CRYBG1: variants seen among roughly 807,000 people sequenced by gnomAD.
CRYBG1 encodes crystallin beta-gamma domain containing 1.
A neutral mutation model predicts 189.2 loss-of-function variants in CRYBG1; 139 were observed. The ratio of observed to expected loss-of-function variants is 0.73; its 90% CI spans 0.64 to 0.85. The LOEUF (loss-of-function observed/expected upper bound fraction) is 0.85, where lower values mean the gene tolerates loss of function less well. CRYBG1 is among the 40% of genes least tolerant of loss of function. The pLI is 0.00. For synonymous variants in CRYBG1, 1,023 were observed against 1,017.1 expected (o/e 1.01, Z -0.11); for missense variants, 2,611 against 2,675.8 (o/e 0.98, Z 0.53).
intron 1 of CRYBG1, 103 bp downstream of exon 1, chr6:106,361,184 C>T: frequency 7.4e-7 from 1 of 1,349,104 alleles, no homozygotes; most frequent in Non-Finnish European, 9.8e-7. Flanking sequence ...GAGGGGAAAG[C>T]CCCGGGGTCT....
At chr6:106,456,136 A>T (rs1483917682) in intron 2 of CRYBG1, among the ~76,000 whole-genome samples, 1 of 152,164 alleles carries the variant, frequency 6.6e-6, no homozygotes, top group Non-Finnish European at 1.5e-5. Flanking sequence ...TCTAACCACT[A>T]TTGTTTTTGA....
Position 106,551,901 on chromosome 6 carries a change from G to A in CRYBG1, c.5362G>A (p.Asp1788Asn), listed in dbSNP as rs751247820. The change falls in exon 14 of 22, where the codon GAT becomes AAT. Residue 1788 changes from aspartate to asparagine, a missense_variant. Physicochemically the swap from Asp to Asn is conservative, Grantham distance 23. Around this residue, in one of 3 missense-constraint regions of CRYBG1, gnomAD observed 1,622 missense variants for 1,735.0 expected, o/e 0.93. Coordinates refer to ENST00000633556, the MANE Select transcript of CRYBG1 (RefSeq NM_001371242.2). ...CTTCACAGGAGAACAGTATATACTG[G>A]ATAAAGGATTTTATACCAGTTTTGA... ...PDFTGEQYIL[D>N]KGFYTSFEDW... 5.0e-6 allele frequency: 8 copies of A among 1,611,412 alleles called. No homozygotes were observed.
chr6:106,544,774 T>A lies in CRYBG1; in HGVS notation c.5167-14T>A. The A allele has an allele frequency of 6.2e-7, 1 of 1,601,698 alleles. No individual in the cohort carries two copies. ...ATGGCTAGCCTTTGAATTTTGAATT[T>A]TTTTTCTCAATAGGATTTTTCAAAT... On this transcript the variant is annotated splice_polypyrimidine_tract_variant and intron_variant, in intron 12 of 21. Coordinates refer to ENST00000633556, the MANE Select transcript of CRYBG1 (RefSeq NM_001371242.2).
chr6:106,422,899 C>G (rs956801161), intron 1 of CRYBG1, among the ~76,000 whole-genome samples: 1 of 152,100 alleles, frequency 6.6e-6, no homozygotes, highest in Non-Finnish European at 1.5e-5. Flanking sequence ...CATTATCACC[C>G]TTTTTAGGAG....
intron 1 of CRYBG1, among the ~76,000 whole-genome samples, chr6:106,368,859 A>C (rs553694817): frequency 2.0e-5 from 3 of 152,238 alleles, no homozygotes; most frequent in Admixed American, 6.5e-5. Flanking sequence ...TACCTCACCT[A>C]CTACTTAAAA....
At chr6:106,432,311 A>T (rs1428190805) in intron 1 of CRYBG1, among the ~76,000 whole-genome samples, 1 of 152,166 alleles carries the variant, frequency 6.6e-6, no homozygotes, top group Non-Finnish European at 1.5e-5. Context: ...GAAATTATAC[A>T]ACTTTGTTTG....
At chr6:106,433,729 A>ATATATATATATATG (rs546769364) in intron 1 of CRYBG1, among the ~76,000 whole-genome samples, 3 of 55,168 alleles carry the variant, frequency 5.4e-5, no homozygotes, top group African/African-American at 2.6e-4. Context: ...ATATATATAT[A>ATATATATATATATG]TATATACATA....
chr6:106,417,979 C>G (rs1487285557), intron 1 of CRYBG1, among the ~76,000 whole-genome samples: 1 of 152,266 alleles, frequency 6.6e-6, no homozygotes, highest in Non-Finnish European at 1.5e-5. Flanking sequence ...AGTGGCTACT[C>G]TCTGCCGGTG....
At chr6:106,473,539 G>A (rs988530475) in intron 2 of CRYBG1, among the ~76,000 whole-genome samples, 4 of 152,182 alleles carry the variant, frequency 2.6e-5, no homozygotes, top group East Asian at 1.9e-4. Context: ...AGAACCAGGC[G>A]ATGGACACAA....
At chr6:106,523,731 CTT>C (rs748406134) in intron 4 of CRYBG1, among the ~76,000 whole-genome samples, 56 of 137,246 alleles carry the variant, frequency 4.1e-4, no homozygotes, top group Admixed American at 5.1e-4. Context: ...CCCTTATGGC[CTT>C]TTTTTTTTTT....
chr6:106,430,912 A>G (rs1216329215), intron 1 of CRYBG1, among the ~76,000 whole-genome samples: 1 of 152,174 alleles, frequency 6.6e-6, no homozygotes, highest in Non-Finnish European at 1.5e-5. Flanking sequence ...CCCAGGCTGC[A>G]GTGCAGTGGC....
intron 2 of CRYBG1, among the ~76,000 whole-genome samples, chr6:106,494,008 T>G (rs1181558): frequency 0.96 from 145,531 of 152,296 alleles, 69,654 homozygotes; most frequent in Middle Eastern, 1. Context: ...CATACAATGG[T>G]ATATTATTCA....
Position 106,370,654 on chromosome 6 carries a change from T to C in CRYBG1, c.173+9573T>C, listed in dbSNP as rs143400004. ...GTGAAATAAGCCCATACCCTCATTCTGAGGATAAGGAAACTGAAGTTCATG... is the reference window on the plus strand; with the variant it reads ...GTGAAATAAGCCCATACCCTCATTCCGAGGATAAGGAAACTGAAGTTCATG... On this transcript the variant is annotated intron_variant, in intron 1 of 21. Coordinates refer to ENST00000633556, the MANE Select transcript of CRYBG1 (RefSeq NM_001371242.2). 4.4e-3 allele frequency among the ~76,000 whole-genome samples: 670 copies of C among 152,344 alleles called. 2 individuals are homozygous for C. The highest frequency in any genetic ancestry group is 0.015 in the African/African-American group (641 of 41,586).
At chr6:106,361,256 C>T (rs1310245745) in intron 1 of CRYBG1, among the ~76,000 whole-genome samples, 175 bp downstream of exon 1, 1 of 152,188 alleles carries the variant, frequency 6.6e-6, no homozygotes, top group Non-Finnish European at 1.5e-5. Context: ...CTGGGGTTGA[C>T]GAGGTTCCTC....
chr6:106,555,386 A>G (rs533358254), intron 16 of CRYBG1, among the ~76,000 whole-genome samples: 2 of 152,130 alleles, frequency 1.3e-5, no homozygotes, highest in East Asian at 3.9e-4. Context: ...CAATAGACCA[A>G]ATCAATAGGC....
chr6:106,462,024 A>G (rs1395561503), intron 2 of CRYBG1, among the ~76,000 whole-genome samples: 4 of 152,192 alleles, frequency 2.6e-5, no homozygotes, highest in Admixed American at 6.5e-5. Context: ...ATGATTGTCA[A>G]TCAGCATGTA....
At chr6:106,379,112 G>A (rs1304307792) in intron 1 of CRYBG1, among the ~76,000 whole-genome samples, 1 of 152,104 alleles carries the variant, frequency 6.6e-6, no homozygotes, top group African/African-American at 2.4e-5. Context: ...TCGCGCCACT[G>A]CATTTCAGCC....
rs140546725 is a variant in CRYBG1 at position 106,520,273 on chromosome 6, C to T, written c.3065C>T (p.Ala1022Val). The T allele has an allele frequency of 1.5e-5, 24 of 1,614,026 alleles. No homozygotes were observed. Among genetic ancestry groups the T allele is most frequent in the Middle Eastern group, 3.3e-4 (2 of 6,084 alleles). The change falls in exon 4 of 22, where the codon GCG becomes GTG. Residue 1022 changes from alanine (A) to valine (V), a missense_variant. Transcript: ENST00000633556. ...NEHSHCTAEL[A>V]AKSGPQVIPP... ...CACTCTCATTGCACAGCAGAGCTCG[C>T]GGCAAAATCTGGCCCACAAGTCATA...
chr6:106,387,706 G>T (rs1770419514), intron 1 of CRYBG1, among the ~76,000 whole-genome samples: 1 of 152,168 alleles, frequency 6.6e-6, no homozygotes, highest in Admixed American at 6.5e-5. Context: ...AAATTTTGTT[G>T]TGGGGAGGGG....
Sources: gnomAD v4.1 joint callset for allele counts (sites outside exome capture counted in the v4.1 genomes callset) on GRCh38, gnomAD v4.1.1 for gene constraint, gnomAD v4.1.1 regional missense constraint, MANE v1.5 for transcripts, NCBI Gene and HGNC (gene_info 2026-07-23, HGNC 2026-07-21) for gene names.